Variants in GRID2 observed in about 807,000 individuals in gnomAD.
GRID2 encodes the protein glutamate receptor ionotropic, delta-2.
GRID2 carries 33 observed loss-of-function variants against 114.8 expected under a neutral mutation model. The observed-to-expected ratio is 0.29, with a 90% CI of 0.22 to 0.38. The LOEUF (loss-of-function observed/expected upper bound fraction) is 0.38, where lower values mean the gene tolerates loss of function less well. GRID2 is among the 10% of genes least tolerant of loss of function. The probability of loss-of-function intolerance (pLI) is 1.00; values close to 1 mark genes in which losing one functional copy is unlikely to be tolerated. For missense variants in GRID2, 1,184 were observed against 1,257.7 expected, an observed-to-expected ratio of 0.94 and a Z score of 0.89; for synonymous variants, 505 against 449.9, an observed-to-expected ratio of 1.12 and a Z score of -1.55.
intron 2 of GRID2, among the ~76,000 whole-genome samples, chr4:92,653,481 C>T (rs112748419): frequency 4.7e-4 from 71 of 151,978 alleles, no homozygotes; most frequent in African/African-American, 1.6e-3. Flanking sequence ...CCACTAGTTT[C>T]TACTTTTGTT....
At chr4:92,509,793 T>G (rs62310680) in intron 1 of GRID2, among the ~76,000 whole-genome samples, 32,624 of 151,848 alleles carry the variant, frequency 0.21, 4,229 homozygotes, top group Non-Finnish European at 0.29. Context: ...AGCTCTGAGA[T>G]AGCAGCATGC....
At chr4:93,194,648 G>A (rs1741305317) in intron 4 of GRID2, among the ~76,000 whole-genome samples, 1 of 152,086 alleles carries the variant, frequency 6.6e-6, no homozygotes, top group Non-Finnish European at 1.5e-5. Flanking sequence ...AATGTGTCTG[G>A]TACATTCTTC....
chr4:92,875,721 C>A (rs935428894), intron 2 of GRID2, among the ~76,000 whole-genome samples: 3 of 151,990 alleles, frequency 2.0e-5, no homozygotes, highest in African/African-American at 7.3e-5. Flanking sequence ...GATGAGGGAA[C>A]TGAGATCCAG....
intron 2 of GRID2, among the ~76,000 whole-genome samples, chr4:92,761,311 A>G (rs1056497594): frequency 1.3e-5 from 2 of 152,176 alleles, no homozygotes; most frequent in African/African-American, 4.8e-5. Flanking sequence ...ACAACAGGGA[A>G]CTATTGATTA....
intron 13 of GRID2, among the ~76,000 whole-genome samples, chr4:93,518,811 G>A (rs1414476866): frequency 6.6e-6 from 1 of 152,088 alleles, no homozygotes; most frequent in East Asian, 1.9e-4. Context: ...TTTTTAGAAA[G>A]AGGGTCAGCC....
chr4:93,396,581 T>G (rs1211427107), intron 9 of GRID2, among the ~76,000 whole-genome samples: 1 of 152,030 alleles, frequency 6.6e-6, no homozygotes, highest in Non-Finnish European at 1.5e-5. Context: ...TTTCATTTAA[T>G]ATTTTTTGGA....
At chr4:92,865,968 C>T (rs1038523295) in intron 2 of GRID2, among the ~76,000 whole-genome samples, 2 of 152,054 alleles carry the variant, frequency 1.3e-5, no homozygotes, top group Non-Finnish European at 2.9e-5. Flanking sequence ...AAATTAATTT[C>T]AGCTATCACT....
intron 1 of GRID2, among the ~76,000 whole-genome samples, chr4:92,484,479 A>T (rs944045305): frequency 2.0e-5 from 3 of 152,308 alleles, no homozygotes; most frequent in Non-Finnish European, 2.9e-5. Context: ...TTCATAGAGT[A>T]CTCAGAAAAG....
At chr4:93,151,792 C>T (rs559794699) in intron 4 of GRID2, among the ~76,000 whole-genome samples, 1 of 152,192 alleles carries the variant, frequency 6.6e-6, no homozygotes, top group South Asian at 2.1e-4. Flanking sequence ...AAATGATTTT[C>T]ATCTCTCAAG....
intron 14 of GRID2, among the ~76,000 whole-genome samples, chr4:93,752,313 A>G (rs962208143): frequency 6.6e-6 from 1 of 152,134 alleles, no homozygotes; most frequent in African/African-American, 2.4e-5. Context: ...GGAAGTAATG[A>G]TAACAGAATT....
Position 92,845,697 on chromosome 4 carries a change from T to C in GRID2, c.245-239298T>C, listed in dbSNP as rs186031618. ...AATTGAGAAGCAATTTTGTTGTTGT[T>C]GCATGCATTTTTCTTTAGAGATAAT... On this transcript the variant is annotated intron_variant, in intron 2 of 15. Coordinates refer to ENST00000282020, the MANE Select transcript of GRID2 (RefSeq NM_001510.4). Among the ~76,000 whole-genome samples, 24 of 152,246 alleles carry C rather than the reference T, an allele frequency of 1.6e-4. 1 individual carries two copies. The highest frequency in any genetic ancestry group is 1.6e-3 in the Admixed American group (24 of 15,250).
Position 93,678,539 on chromosome 4 carries a change from T to A in GRID2, c.2360+52104T>A, listed in dbSNP as rs1001636901. 1.9e-4 allele frequency among the ~76,000 whole-genome samples: 29 copies of A among 152,018 alleles called. 1 individual carries two copies. Among genetic ancestry groups the A allele is most frequent in the African/African-American group, 6.5e-4 (27 of 41,348 alleles). On this transcript the variant is annotated intron_variant, in intron 14 of 15. Transcript: ENST00000282020. ...GGGCAGCCAGAGAGAAAGGTCCGGT[T>A]ACCCACAAAGGGAAGCCCATCAGAC...
At chr4:93,312,921 T>A (rs1756175290) in intron 8 of GRID2, among the ~76,000 whole-genome samples, 1 of 152,174 alleles carries the variant, frequency 6.6e-6, no homozygotes, top group African/African-American at 2.4e-5. Flanking sequence ...AAAGAATATA[T>A]GCCAAAGACA....
intron 2 of GRID2, among the ~76,000 whole-genome samples, chr4:92,674,602 A>T (rs926075959): frequency 4.6e-5 from 7 of 152,084 alleles, no homozygotes; most frequent in Non-Finnish European, 1.0e-4. Flanking sequence ...AGCTCACTGC[A>T]ACCTCCGCCT....
intron 14 of GRID2, among the ~76,000 whole-genome samples, chr4:93,647,304 A>T (rs1487842776): frequency 1.3e-5 from 2 of 152,146 alleles, no homozygotes. Context: ...CTGAAATCAA[A>T]TGTTCCTAAG....
intron 1 of GRID2, among the ~76,000 whole-genome samples, chr4:92,572,737 A>C (rs1727691533): frequency 6.6e-6 from 1 of 152,028 alleles, no homozygotes; most frequent in African/African-American, 2.4e-5. Flanking sequence ...TGTTTTGTTG[A>C]GTATTTTCAC....
intron 14 of GRID2, among the ~76,000 whole-genome samples, chr4:93,637,720 A>T (rs954591404): frequency 1.3e-5 from 2 of 152,176 alleles, no homozygotes; most frequent in Non-Finnish European, 2.9e-5. Context: ...CTATGGGACG[A>T]TACTGAAATA....
intron 2 of GRID2, among the ~76,000 whole-genome samples, chr4:92,773,630 A>G (rs1738638985): frequency 1.3e-5 from 2 of 152,028 alleles, no homozygotes; most frequent in South Asian, 4.1e-4. Flanking sequence ...TATTATATAA[A>G]AAATAGTTAA....
At chr4:92,922,891 A>C (rs1480046140) in intron 2 of GRID2, among the ~76,000 whole-genome samples, 1 of 152,234 alleles carries the variant, frequency 6.6e-6, no homozygotes, top group Non-Finnish European at 1.5e-5. Flanking sequence ...ACTTGGGGGA[A>C]GAATAATGGA....
Sources: allele counts gnomAD v4.1 joint callset (sites outside exome capture counted in the v4.1 genomes callset), GRCh38; gene constraint gnomAD v4.1.1; transcripts MANE v1.5; gene names NCBI Gene and HGNC (gene_info 2026-07-23, HGNC 2026-07-21).